DCX: variants seen among roughly 807,000 people sequenced by gnomAD.
DCX encodes the protein neuronal migration protein doublecortin.
Under a neutral mutation model 20.9 loss-of-function variants are expected in DCX, and 4 were observed. The ratio of observed to expected loss-of-function variants is 0.19; its 90% CI spans 0.09 to 0.44. DCX has a LOEUF of 0.44. DCX is among the 20% of genes least tolerant of loss of function. The pLI is 0.99. For missense variants in DCX, 133 were observed against 296.9 expected, an observed-to-expected ratio of 0.45 and a Z score of 4.06; for synonymous variants, 103 against 111.4, an observed-to-expected ratio of 0.92 and a Z score of 0.47.
At chrX:111,346,248 C>T (rs779505496) in intron 3 of DCX, among the ~76,000 whole-genome samples, 1 of 111,479 alleles carries the variant, frequency 9.0e-6, no homozygotes, top group South Asian at 3.7e-4. Context: ...TAATTAGAAC[C>T]CATTTGTCAA....
chrX:111,349,268 G>T (rs958239038), intron 3 of DCX, among the ~76,000 whole-genome samples: 20 of 111,324 alleles, frequency 1.8e-4, no homozygotes, highest in African/African-American at 6.2e-4. Flanking sequence ...AGTGACACCC[G>T]GGCCAGAATG....
In DCX at chrX:111,355,242, T is replaced by C. The variant is rs72619716; in HGVS notation, c.706-22089A>G. Among the ~76,000 whole-genome samples, 408 of 111,733 alleles carry C rather than the reference T, an allele frequency of 3.7e-3. 4 individuals carry two copies. In the East Asian group the frequency reaches 0.079, roughly 22 times the overall value. The stretch of plus-strand genomic sequence containing the variant: ...ATTCTCTTATTAAGGTAGAAAAATA[T>C]TTTTAAATTATTGCTACATTTTTAG... On this transcript the variant is annotated intron_variant, in intron 3 of 6. Transcript: ENST00000636035.
chrX:111,329,127 T>G lies in DCX; in HGVS notation c.946+1777A>C, dbSNP rs181895575. Among the ~76,000 whole-genome samples the G allele has an allele frequency of 3.6e-3, 403 of 112,194 alleles. 3 individuals carry two copies. Among genetic ancestry groups the G allele is most frequent in the African/African-American group, 0.012 (382 of 30,910 alleles). On this transcript the variant is annotated intron_variant, in intron 5 of 6. Transcript: ENST00000636035. Reference sequence around the variant, plus strand: ...GTGTTTTAAAGTGTATTTTTTGCAATTCTCTGCTTAAAAACTGTCAAATTT... The same window carrying G: ...GTGTTTTAAAGTGTATTTTTTGCAAGTCTCTGCTTAAAAACTGTCAAATTT...
At chrX:111,407,944 T>C (rs1928340266) in intron 2 of DCX, among the ~76,000 whole-genome samples, 1 of 111,478 alleles carries the variant, frequency 9.0e-6, no homozygotes, top group African/African-American at 3.3e-5. Flanking sequence ...TTGGTCTGAA[T>C]ACAATGTCAC....
At chrX:111,369,259 A>T (rs1323687874) in intron 3 of DCX, among the ~76,000 whole-genome samples, 2 of 111,029 alleles carry the variant, frequency 1.8e-5, no homozygotes, top group African/African-American at 6.6e-5. Context: ...CCTCACAGAC[A>T]CACCCAGGAT....
intron 3 of DCX, among the ~76,000 whole-genome samples, chrX:111,377,513 A>G (rs1377260441): frequency 9.0e-6 from 1 of 111,008 alleles, no homozygotes; most frequent in Non-Finnish European, 1.9e-5. Flanking sequence ...GTGAGAAAAG[A>G]TAAGCAGAGA....
chrX:111,318,004 G>A (rs1029769637), intron 5 of DCX, among the ~76,000 whole-genome samples: 1 of 108,556 alleles, frequency 9.2e-6, no homozygotes, highest in Admixed American at 9.9e-5. Flanking sequence ...GGCCAACATG[G>A]TGAAACCCTG....
In DCX at chrX:111,301,406, A is replaced by T; in HGVS notation, c.*281T>A. On this transcript the variant is annotated 3_prime_UTR_variant, in exon 7 of 7. Transcript: ENST00000636035. ...TATAACGCAGGCACCTAAGCTTTCC[A>T]TTGAAAGGTCATGGACTAGCACATT... is the stretch of plus-strand genomic sequence containing the variant. 2.6e-6 allele frequency: 1 copy of T among 390,531 alleles called. No homozygotes were observed. Among genetic ancestry groups the T allele is most frequent in the East Asian group, 4.3e-5 (1 of 23,025 alleles). The allele number at this position is 390,531 out of a possible 1,213,427, so 32.2% of individuals were successfully genotyped here.
chrX:111,377,269 T>A (rs1925610875), intron 3 of DCX, among the ~76,000 whole-genome samples: 1 of 111,955 alleles, frequency 8.9e-6, no homozygotes, highest in Non-Finnish European at 1.9e-5. Context: ...GCCCTGTGAT[T>A]AACCAAAACA....
rs145065867 is a variant in DCX, at chrX:111,335,279, C to T, written c.706-2126G>A. 1.6e-3 allele frequency among the ~76,000 whole-genome samples: 177 copies of T among 112,042 alleles called. 1 individual carries two copies. The highest frequency in any genetic ancestry group is 5.5e-3 in the African/African-American group (170 of 30,809). ...TTTTCATGAGGACTCACTTAGTTCT[C>T]CCCACCGGATCACAGGTTTCTGAAT... On this transcript the variant is annotated intron_variant, in intron 3 of 6. Transcript: ENST00000636035.
At chrX:111,364,757 T>C (rs986453792) in intron 3 of DCX, among the ~76,000 whole-genome samples, 3 of 112,185 alleles carry the variant, frequency 2.7e-5, no homozygotes, top group Non-Finnish European at 5.6e-5. Context: ...GCACATAATA[T>C]ACGTGTAAAT....
intron 3 of DCX, among the ~76,000 whole-genome samples, chrX:111,337,335 A>G (rs1921825733): frequency 1.8e-5 from 2 of 111,362 alleles, no homozygotes; most frequent in African/African-American, 6.5e-5. Context: ...CACAAAATCA[A>G]TAAAATCAAC....
intron 3 of DCX, among the ~76,000 whole-genome samples, chrX:111,399,928 T>G (rs755285534): frequency 3.6e-5 from 4 of 111,922 alleles, no homozygotes; most frequent in Non-Finnish European, 3.8e-5. Context: ...TGGGTGAGTT[T>G]TCCCTGAAAC....
chrX:111,363,615 A>C (rs1158879863), intron 3 of DCX, among the ~76,000 whole-genome samples: 1 of 110,551 alleles, frequency 9.0e-6, no homozygotes, highest in African/African-American at 3.3e-5. Flanking sequence ...ACAAAGGGGC[A>C]TGTCCTACAA....
At chrX:111,378,901 A>T (rs1461381290) in intron 3 of DCX, among the ~76,000 whole-genome samples, 1 of 111,952 alleles carries the variant, frequency 8.9e-6, no homozygotes. Flanking sequence ...AGGCCCTCCA[A>T]GAGGCTTCAC....
chrX:111,409,166 C>A (rs930225332), intron 2 of DCX, among the ~76,000 whole-genome samples: 2 of 111,113 alleles, frequency 1.8e-5, no homozygotes. Context: ...GGGAAGCATC[C>A]TCAGTATAAT....
intron 3 of DCX, among the ~76,000 whole-genome samples, chrX:111,368,456 A>G (rs945571377): frequency 2.7e-5 from 3 of 111,529 alleles, no homozygotes; most frequent in African/African-American, 9.8e-5. Context: ...GCCAAACCCT[A>G]TGCTTCATTA....
chrX:111,357,582 C>A (rs762348726), intron 3 of DCX, among the ~76,000 whole-genome samples: 1 of 110,887 alleles, frequency 9.0e-6, no homozygotes, highest in South Asian at 3.9e-4. Flanking sequence ...AGTTTGAGAC[C>A]AGCCTGGGCA....
chrX:111,331,558 A>G (rs1295318557), intron 4 of DCX, among the ~76,000 whole-genome samples: 3 of 111,758 alleles, frequency 2.7e-5, no homozygotes, highest in Non-Finnish European at 5.6e-5. Flanking sequence ...GACCACCACC[A>G]TCTTGCATTT....
Sources: gnomAD v4.1 joint callset for allele counts (sites outside exome capture counted in the v4.1 genomes callset) on GRCh38, gnomAD v4.1.1 for gene constraint, MANE v1.5 for transcripts, NCBI Gene and HGNC (gene_info 2026-07-23, HGNC 2026-07-21) for gene names.